The following MYO5B variants were observed in gnomAD, a reference collection of about 807,000 sequenced individuals.
The protein encoded by MYO5B is unconventional myosin-Vb.
A neutral mutation model predicts 229.3 loss-of-function variants in MYO5B; 143 were observed. The observed-to-expected ratio is 0.62, with a 90% CI of 0.54 to 0.72. The LOEUF is 0.72. Among genes scored for constraint, MYO5B ranks in the 30% least tolerant of loss-of-function variants. MYO5B has a pLI of 0.00. For synonymous variants in MYO5B, 918 were observed against 885.2 expected (o/e 1.04, Z -0.66); for missense variants, 2,321 against 2,331.0 (o/e 1.00, Z 0.09).
At chr18:49,840,569 T>C (rs573199799) in intron 35 of MYO5B, 2 of 152,148 alleles carry the variant, frequency 1.3e-5, no homozygotes, top group South Asian at 4.1e-4. Flanking sequence ...TTGGGAAGGG[T>C]GGATGGTGAG....
At chr18:49,946,343 T>A (rs981774828) in intron 14 of MYO5B, 1 of 152,188 alleles carries the variant, frequency 6.6e-6, no homozygotes, top group Admixed American at 6.5e-5. Context: ...GCTTAGTTTC[T>A]GAGATCAGAT....
intron 29 of MYO5B, among the ~76,000 whole-genome samples, chr18:49,858,797 C>T (rs1160784669): frequency 6.6e-6 from 1 of 152,180 alleles, no homozygotes; most frequent in East Asian, 1.9e-4. Context: ...ATCAGACACA[C>T]GAGTAAACTA....
intron 1 of MYO5B, among the ~76,000 whole-genome samples, chr18:50,186,710 G>A (rs1335670354): frequency 6.6e-6 from 1 of 152,220 alleles, no homozygotes; most frequent in Non-Finnish European, 1.5e-5. Context: ...TGTTAGACAA[G>A]CACTTCACAT....
At chr18:49,963,937 C>T (rs2025592373) in intron 10 of MYO5B, among the ~76,000 whole-genome samples, 2 of 152,174 alleles carry the variant, frequency 1.3e-5, no homozygotes, top group Admixed American at 1.3e-4. Context: ...GGGTGTGTTC[C>T]ATCCAGAGGG....
Position 49,839,151 on chromosome 18 carries a change from C to A in MYO5B, c.4845G>T (p.Pro1615=). The A allele has an allele frequency of 6.2e-7, 1 of 1,613,408 alleles. No individual in the cohort carries two copies. The highest frequency in any genetic ancestry group is 1.3e-5 in the African/African-American group (1 of 75,036). The change falls in exon 36 of 40, where the codon CCG becomes CCT. Residue 1615 remains proline (P), a synonymous_variant. Coordinates refer to ENST00000285039, the MANE Select transcript of MYO5B (RefSeq NM_001080467.3). ...LIKIAEGVLQ[P]MIVSAMLENE... Reference sequence around the variant, plus strand: ...CTCCTGCTGCCAGCTTACCTATCATCGGCTGTAACACGCCCTCGGCAATTT... The same window carrying A: ...CTCCTGCTGCCAGCTTACCTATCATAGGCTGTAACACGCCCTCGGCAATTT...
At chr18:49,827,676 CT>C (rs1291607694) in intron 39 of MYO5B, among the ~76,000 whole-genome samples, 1 of 151,762 alleles carries the variant, frequency 6.6e-6, no homozygotes, top group Non-Finnish European at 1.5e-5. Flanking sequence ...CCTAACAGAC[CT>C]ATTGGACACC....
At chr18:50,073,825 A>G (rs1004582378) in intron 1 of MYO5B, among the ~76,000 whole-genome samples, 10 of 152,096 alleles carry the variant, frequency 6.6e-5, no homozygotes, top group Non-Finnish European at 1.2e-4. Context: ...AAGCCTGGAG[A>G]TGTCATCATC....
intron 1 of MYO5B, among the ~76,000 whole-genome samples, chr18:50,086,489 C>T (rs879164130): frequency 2.6e-5 from 4 of 152,180 alleles, no homozygotes; most frequent in Admixed American, 2.0e-4. Flanking sequence ...GGTGTGTGCA[C>T]GTGTGTGTAT....
At position 49,894,874 on chromosome 18, in the gene MYO5B, C is replaced by CT. The variant is rs1443885004; in HGVS notation, c.3045+66dup. The CT allele has an allele frequency of 4.3e-6, 6 of 1,389,124 alleles. No homozygotes were observed. In the African/African-American group the frequency reaches 7.1e-5, roughly 16 times the overall value. 86.0% of individuals were successfully genotyped at this position (1,389,124 alleles called of 1,614,324 possible). On this transcript the variant is annotated intron_variant, in intron 22 of 39. Coordinates refer to ENST00000285039, the MANE Select transcript of MYO5B (RefSeq NM_001080467.3). ...TTACCACTTGAAGCAGCAGTGCTCTCTGAGAGGTGGCTCCGTGTGCCCACC... is the reference window on the plus strand; with the variant it reads ...TTACCACTTGAAGCAGCAGTGCTCTCTTGAGAGGTGGCTCCGTGTGCCCACC...
intron 30 of MYO5B, 112 bp downstream of exon 30, chr18:49,856,701 T>G (rs2024266133): frequency 4.6e-6 from 4 of 878,202 alleles, no homozygotes; most frequent in Admixed American, 1.8e-5. Flanking sequence ...CCAGACTGCA[T>G]GCCAACTGTT....
At chr18:49,934,534 C>A (rs2025228773) in intron 16 of MYO5B, among the ~76,000 whole-genome samples, 1 of 152,238 alleles carries the variant, frequency 6.6e-6, no homozygotes. Context: ...CCCAAGGCCA[C>A]AGCTGGTCTG....
intron 1 of MYO5B, among the ~76,000 whole-genome samples, chr18:50,090,387 C>G (rs1273775993): frequency 1.3e-5 from 2 of 151,694 alleles, no homozygotes; most frequent in Non-Finnish European, 2.9e-5. Flanking sequence ...AAATTATGTC[C>G]ATGTAAGACA....
chr18:49,940,979 A>T lies in MYO5B; in HGVS notation c.1753-3582T>A, dbSNP rs1291168672. On this transcript the variant is annotated intron_variant, in intron 14 of 39. Coordinates refer to ENST00000285039, the MANE Select transcript of MYO5B (RefSeq NM_001080467.3). ...TTCTTAGTTATTACAAAGTTCATAC[A>T]TCTTAGTAGCTTCAGTTTTAGAGTC... is the stretch of plus-strand genomic sequence containing the variant. Among the ~76,000 whole-genome samples, 7 of 152,374 alleles carry T rather than the reference A, an allele frequency of 4.6e-5. No individual in the cohort carries two copies. In the East Asian group the frequency reaches 5.8e-4, roughly 13 times the overall value.
chr18:50,017,404 C>T (rs113317214), intron 4 of MYO5B, among the ~76,000 whole-genome samples: 14,392 of 152,260 alleles, frequency 0.095, 741 homozygotes, highest in Middle Eastern at 0.12. Flanking sequence ...GGATTACAGG[C>T]GTGGGCCACT....
intron 1 of MYO5B, among the ~76,000 whole-genome samples, chr18:50,074,670 C>T (rs145485076): frequency 3.5e-4 from 54 of 152,238 alleles, no homozygotes; most frequent in African/African-American, 1.3e-3. Context: ...GAGCTTTTCC[C>T]GACCAACTAA....
At chr18:49,881,245 T>C (rs1429127346) in intron 22 of MYO5B, among the ~76,000 whole-genome samples, 2 of 152,154 alleles carry the variant, frequency 1.3e-5, no homozygotes, top group Non-Finnish European at 2.9e-5. Context: ...TCAAACCTGG[T>C]CTTAGGAAGG....
At chr18:50,039,120 C>T (rs558967840) in intron 3 of MYO5B, among the ~76,000 whole-genome samples, 2 of 152,052 alleles carry the variant, frequency 1.3e-5, no homozygotes, top group Admixed American at 1.3e-4. Context: ...AGGGCACATG[C>T]GAGGCGTTCC....
At chr18:50,189,088 C>T (rs1334452619) in intron 1 of MYO5B, among the ~76,000 whole-genome samples, 1 of 152,174 alleles carries the variant, frequency 6.6e-6, no homozygotes, top group Non-Finnish European at 1.5e-5. Context: ...GACAGCATGA[C>T]ACACAACCTC....
At chr18:50,104,161 G>A (rs1406062310) in intron 1 of MYO5B, among the ~76,000 whole-genome samples, 1 of 4,816 alleles carries the variant, frequency 2.1e-4, no homozygotes, top group Admixed American at 2.9e-3. Context: ...ATGAGAACTT[G>A]TCTATTAAAA....
Sources: allele counts gnomAD v4.1 joint callset (sites outside exome capture counted in the v4.1 genomes callset), GRCh38; gene constraint gnomAD v4.1.1; transcripts MANE v1.5; gene names NCBI Gene and HGNC (gene_info 2026-07-23, HGNC 2026-07-21).